PLCB1: variants seen among roughly 807,000 people sequenced by gnomAD.
PLCB1 encodes the protein phospholipase C beta 1, also known as 1-phosphatidylinositol 4,5-bisphosphate phosphodiesterase beta-1.
A neutral mutation model predicts 161.8 loss-of-function variants in PLCB1; 46 were observed. That is an observed-to-expected ratio of 0.28 (90% CI 0.22 to 0.36). PLCB1 has a LOEUF of 0.36. Among genes scored for constraint, PLCB1 ranks in the 10% least tolerant of loss-of-function variants. The probability of loss-of-function intolerance (pLI) is 1.00; values close to 1 mark genes in which losing one functional copy is unlikely to be tolerated. For missense variants in PLCB1, 1,016 were observed against 1,472.5 expected (o/e 0.69, Z 5.07); for synonymous variants, 517 against 503.7 (o/e 1.03, Z -0.35).
chr20:8,596,213 T>G (rs1444684269), intron 3 of PLCB1, among the ~76,000 whole-genome samples: 12 of 147,344 alleles, frequency 8.1e-5, no homozygotes, highest in African/African-American at 2.7e-4. Flanking sequence ...TAGGTTTTCT[T>G]CTAGGGTTTT....
intron 2 of PLCB1, among the ~76,000 whole-genome samples, chr20:8,326,236 T>C (rs766205449): frequency 6.6e-6 from 1 of 152,228 alleles, no homozygotes; most frequent in South Asian, 2.1e-4. Flanking sequence ...TGGGAAATTA[T>C]ATAGTGATAT....
At chr20:8,788,571 T>G in intron 28 of PLCB1, 46 bp downstream of exon 28, 2 of 1,600,272 alleles carry the variant, frequency 1.2e-6, no homozygotes, top group Non-Finnish European at 1.7e-6. Context: ...TCTGAATTTA[T>G]TCAACACAAA....
At chr20:8,551,770 T>C (rs1171715618) in intron 3 of PLCB1, among the ~76,000 whole-genome samples, 1 of 152,166 alleles carries the variant, frequency 6.6e-6, no homozygotes, top group African/African-American at 2.4e-5. Flanking sequence ...TTCCATCCTC[T>C]TTCTTGCTTT....
chr20:8,638,115 C>T (rs924320211), intron 4 of PLCB1, among the ~76,000 whole-genome samples: 18 of 152,238 alleles, frequency 1.2e-4, no homozygotes, highest in Admixed American at 9.2e-4. Flanking sequence ...AAGATGGTCT[C>T]GATCTCCTGA....
intron 23 of PLCB1, among the ~76,000 whole-genome samples, chr20:8,748,988 A>T (rs892928046): frequency 2.0e-5 from 3 of 152,196 alleles, no homozygotes; most frequent in Non-Finnish European, 4.4e-5. Flanking sequence ...ATCACTTGAG[A>T]ATCTTGTTAC....
intron 2 of PLCB1, among the ~76,000 whole-genome samples, chr20:8,198,919 G>T (rs1032862465): frequency 1.3e-5 from 2 of 151,768 alleles, no homozygotes; most frequent in Non-Finnish European, 2.9e-5. Flanking sequence ...AAGAGGGAGA[G>T]AGAGAAAGAC....
chr20:8,632,961 A>G (rs1988644187), intron 4 of PLCB1, among the ~76,000 whole-genome samples: 1 of 152,128 alleles, frequency 6.6e-6, no homozygotes, highest in Non-Finnish European at 1.5e-5. Flanking sequence ...TTAATCCATA[A>G]TGGACCGCAT....
chr20:8,717,197 A>G (rs1212899641), intron 13 of PLCB1, among the ~76,000 whole-genome samples: 1 of 152,196 alleles, frequency 6.6e-6, no homozygotes, highest in East Asian at 1.9e-4. Context: ...TAAACTACCT[A>G]GTACCAGGAT....
intron 18 of PLCB1, among the ~76,000 whole-genome samples, chr20:8,730,918 C>T (rs1012491010): frequency 1.3e-5 from 2 of 151,586 alleles, no homozygotes; most frequent in Non-Finnish European, 3.0e-5. Context: ...AAATGATCAT[C>T]TTTCTAAACT....
At chr20:8,395,112 C>T (rs1987728397) in intron 3 of PLCB1, among the ~76,000 whole-genome samples, 1 of 151,926 alleles carries the variant, frequency 6.6e-6, no homozygotes, top group South Asian at 2.1e-4. Context: ...TCTTATAGTA[C>T]CTTAGTATAA....
At chr20:8,347,458 A>G (rs1000108713) in intron 2 of PLCB1, among the ~76,000 whole-genome samples, 3 of 152,368 alleles carry the variant, frequency 2.0e-5, no homozygotes, top group East Asian at 1.9e-4. Context: ...AAGGGAAAGA[A>G]CAGACTCCAA....
intron 2 of PLCB1, among the ~76,000 whole-genome samples, chr20:8,351,193 A>C (rs1050229058): frequency 6.6e-6 from 1 of 152,124 alleles, no homozygotes; most frequent in African/African-American, 2.4e-5. Flanking sequence ...AGACCCAGAT[A>C]AGTATAGTAA....
rs1184701456 is a variant in PLCB1, at chr20:8,403,024, GGC to G, written c.246+31575_246+31576del. Among the ~76,000 whole-genome samples, 56 of 151,660 alleles carry G rather than the reference GGC, an allele frequency of 3.7e-4. 1 individual carries two copies. The highest frequency in any genetic ancestry group is 4.3e-4 in the Non-Finnish European group (29 of 67,932). The stretch of plus-strand genomic sequence containing the variant: ...TAAAATTCTCATCCCTTTGCAGTTG[GGC>G]AAAAATTAATCAGTGTTGTATATGA... On this transcript the variant is annotated intron_variant, in intron 3 of 31. Transcript: ENST00000338037.
chr20:8,675,630 A>C (rs1990056064), intron 9 of PLCB1, among the ~76,000 whole-genome samples: 1 of 152,210 alleles, frequency 6.6e-6, no homozygotes, highest in African/African-American at 2.4e-5. Context: ...TAGTAGAACC[A>C]TGGAACTTCA....
intron 31 of PLCB1, among the ~76,000 whole-genome samples, chr20:8,839,179 A>G (rs1199152728): frequency 6.6e-6 from 1 of 152,212 alleles, no homozygotes; most frequent in African/African-American, 2.4e-5. Flanking sequence ...GACAAAGTTT[A>G]GGGACCTTCT....
At chr20:8,285,785 G>A (rs568218701) in intron 2 of PLCB1, among the ~76,000 whole-genome samples, 7 of 152,286 alleles carry the variant, frequency 4.6e-5, no homozygotes, top group South Asian at 4.1e-4. Flanking sequence ...CCACCAGTGC[G>A]GGGTTTGTAG....
intron 24 of PLCB1, among the ~76,000 whole-genome samples, chr20:8,757,617 T>C (rs931612943): frequency 1.3e-5 from 2 of 152,210 alleles, no homozygotes; most frequent in African/African-American, 4.8e-5. Flanking sequence ...GACACATTGC[T>C]AAGCTTTTCA....
intron 2 of PLCB1, among the ~76,000 whole-genome samples, chr20:8,286,892 G>C (rs1983147006): frequency 6.6e-6 from 1 of 152,102 alleles, no homozygotes; most frequent in South Asian, 2.1e-4. Flanking sequence ...GGCCTGGACA[G>C]GGTGAAAATT....
intron 31 of PLCB1, among the ~76,000 whole-genome samples, chr20:8,850,605 C>A (rs946641095): frequency 3.3e-5 from 5 of 150,450 alleles, no homozygotes; most frequent in Admixed American, 2.7e-4. Context: ...AGGTTTAGGT[C>A]ATGAGGGCCT....
Sources: allele counts gnomAD v4.1 joint callset (sites outside exome capture counted in the v4.1 genomes callset), GRCh38; gene constraint gnomAD v4.1.1; transcripts MANE v1.5; gene names NCBI Gene and HGNC (gene_info 2026-07-23, HGNC 2026-07-21).